The following NF2 variants were observed in gnomAD, a reference collection of about 807,000 sequenced individuals.
NF2 encodes the protein NF2, moesin-ezrin-radixin like (MERLIN) tumor suppressor, also known as merlin.
In NF2, 8 loss-of-function variants were observed where a neutral mutation model predicts 83.7. That is an observed-to-expected ratio of 0.10 (90% CI 0.06 to 0.17). NF2 has a LOEUF of 0.17. Among genes scored for constraint, NF2 ranks in the 10% least tolerant of loss-of-function variants. The probability of loss-of-function intolerance (pLI) is 1.00; values close to 1 mark genes in which losing one functional copy is unlikely to be tolerated. For synonymous variants in NF2, 266 were observed against 269.6 expected (o/e 0.99, Z 0.13); for missense variants, 533 against 744.4 (o/e 0.72, Z 3.31).
At chr22:29,651,524 G>A (rs144552950) in intron 4 of NF2, among the ~76,000 whole-genome samples, 201 of 152,294 alleles carry the variant, frequency 1.3e-3, no homozygotes, top group African/African-American at 2.9e-3. Flanking sequence ...TACATAAAAC[G>A]ATGAGGAGCA....
chr22:29,676,700 C>CACAAATCT (rs2066972826), intron 13 of NF2, among the ~76,000 whole-genome samples: 2 of 152,126 alleles, frequency 1.3e-5, no homozygotes, highest in Admixed American at 1.3e-4. Flanking sequence ...CATCCCTGAA[C>CACAAATCT]ACAAATCTTG....
intron 10 of NF2, among the ~76,000 whole-genome samples, chr22:29,670,198 A>G (rs1163959530): frequency 2.6e-5 from 4 of 152,064 alleles, no homozygotes; most frequent in African/African-American, 7.2e-5. Flanking sequence ...AGGTCTTGCT[A>G]TGTTACCCAG....
chr22:29,604,901 A>G (rs577315708), intron 1 of NF2, among the ~76,000 whole-genome samples: 29 of 152,328 alleles, frequency 1.9e-4, no homozygotes, highest in African/African-American at 7.0e-4. Context: ...TTGTAACACA[A>G]AAGCAGCCTT....
rs1199533707 is a variant in NF2, at chr22:29,681,424, C to T, written c.1575-15C>T. On this transcript the variant is annotated splice_polypyrimidine_tract_variant and intron_variant, in intron 14 of 15. Transcript: ENST00000338641. ...TCTGCCCAAGCCCTGATGCATGATA[C>T]CCTCTTGCCGGCAGAGTGGAATACA... 3.1e-6 allele frequency: 5 copies of T among 1,613,500 alleles called. No homozygotes were observed. Among genetic ancestry groups the T allele is most frequent in the Non-Finnish European group, 4.2e-6 (5 of 1,179,706 alleles).
chr22:29,605,806 T>G (rs2064778445), intron 1 of NF2, among the ~76,000 whole-genome samples: 1 of 152,166 alleles, frequency 6.6e-6, no homozygotes, highest in South Asian at 2.1e-4. Context: ...TCCAGACTAT[T>G]GCAAACTGTA....
chr22:29,627,475 T>A (rs1754965496), intron 1 of NF2, among the ~76,000 whole-genome samples: 2 of 152,204 alleles, frequency 1.3e-5, no homozygotes, highest in African/African-American at 2.4e-5. Context: ...AACTTTGAAG[T>A]GAATCTTCTT....
At position 29,695,222 on chromosome 22, in the gene NF2, C is replaced by T. The variant is rs541235064; in HGVS notation, c.*420C>T. On this transcript the variant is annotated 3_prime_UTR_variant, in exon 16 of 16. Coordinates refer to ENST00000338641, the MANE Select transcript of NF2 (RefSeq NM_000268.4). The surrounding 1 kb of genome is among the most constrained non-coding windows in gnomAD (Gnocchi z 5.4). ...ATCATCCCCACCCCGCCCAGGGTTC[C>T]GGAACATTCATTCCCCCACCGGTGA... is the stretch of plus-strand genomic sequence containing the variant. The T allele has an allele frequency of 4.7e-4, 174 of 374,140 alleles. No individual in the cohort carries two copies. Among genetic ancestry groups the T allele is most frequent in the Middle Eastern group, 1.5e-3 (2 of 1,310 alleles). 23.2% of individuals were successfully genotyped at this position (374,140 alleles called of 1,614,324 possible).
chr22:29,697,785 C>T lies in NF2; in HGVS notation c.*2983C>T, dbSNP rs1569322956. The T allele has an allele frequency of 1.1e-5, 2 of 179,250 alleles. No individual in the cohort carries two copies. The highest frequency in any genetic ancestry group is 1.2e-5 in the Non-Finnish European group (1 of 83,640). 11.1% of individuals were successfully genotyped at this position (179,250 alleles called of 1,614,324 possible). A position where few individuals can be genotyped will look rare whatever the true frequency, so the allele number is the denominator to read the frequency against. ...TTCTCCATGTCGGTCAGGCTGGTCT[C>T]GAACTCCCGACCTCAGGTGATCTGC... On this transcript the variant is annotated 3_prime_UTR_variant, in exon 16 of 16. Transcript: ENST00000338641.
At chr22:29,648,961 T>TTATTGG (rs771326532) in intron 4 of NF2, among the ~76,000 whole-genome samples, 57 of 152,324 alleles carry the variant, frequency 3.7e-4, no homozygotes, top group Non-Finnish European at 5.0e-4. Flanking sequence ...AAATATATCT[T>TTATTGG]TATTGGTAGA....
Position 29,683,271 on chromosome 22 carries a change from A to G in NF2, c.1737+1670A>G, listed in dbSNP as rs2067194545. ...AGACCAGCCTCCAGGGCCCCAGAAG[A>G]CTGCCTCGTTCCGAAGAGCATGTCA... On this transcript the variant is annotated intron_variant, in intron 15 of 15. Coordinates refer to ENST00000338641, the MANE Select transcript of NF2 (RefSeq NM_000268.4). The G allele has an allele frequency of 4.7e-6, 7 of 1,480,592 alleles. No homozygotes were observed. The African/African-American group carries it at 7.0e-5, about 15-fold the overall frequency. The allele number at this position is 1,480,592 out of a possible 1,614,324, so 91.7% of individuals were successfully genotyped here.
intron 7 of NF2, among the ~76,000 whole-genome samples, chr22:29,660,291 CA>C (rs748907801): frequency 1.3e-5 from 2 of 152,194 alleles, no homozygotes; most frequent in Non-Finnish European, 2.9e-5. Context: ...GGCTTTTAGA[CA>C]ACTTTGTTGA....
At chr22:29,672,038 C>T (rs1318487759) in intron 11 of NF2, 90 bp downstream of exon 11, 13 of 1,581,488 alleles carry the variant, frequency 8.2e-6, no homozygotes. Flanking sequence ...CATGAGTTAG[C>T]AGCGTTTGCT....
At chr22:29,676,908 C>T (rs1601656259) in intron 13 of NF2, among the ~76,000 whole-genome samples, 1 of 126,538 alleles carries the variant, frequency 7.9e-6, no homozygotes, top group Admixed American at 7.8e-5. Flanking sequence ...TACAACTGTA[C>T]AGTTTGAAGA....
At chr22:29,618,466 TA>T (rs58950171) in intron 1 of NF2, among the ~76,000 whole-genome samples, 50,116 of 152,048 alleles carry the variant, frequency 0.33, 8,495 homozygotes, top group South Asian at 0.5. Context: ...ACTGCAGAGA[TA>T]GGGGGAAAAA....
At chr22:29,647,021 G>A (rs960689060) in intron 4 of NF2, among the ~76,000 whole-genome samples, 2 of 143,260 alleles carry the variant, frequency 1.4e-5, no homozygotes, top group Non-Finnish European at 3.1e-5. Flanking sequence ...GGGTGACAAA[G>A]TGAGACTCCA....
chr22:29,634,158 G>T (rs903576062), intron 1 of NF2, among the ~76,000 whole-genome samples: 5 of 152,190 alleles, frequency 3.3e-5, no homozygotes, highest in African/African-American at 9.7e-5. Flanking sequence ...AGCTGGCAAA[G>T]AATCCTGTGA....
At chr22:29,683,546 G>A in intron 15 of NF2, 1 of 1,113,916 alleles carries the variant, frequency 9.0e-7, no homozygotes, top group South Asian at 3.6e-5. Flanking sequence ...GGGCAAAAGG[G>A]TTGCTTGTGC....
intron 1 of NF2, among the ~76,000 whole-genome samples, chr22:29,628,322 C>G (rs570445569): frequency 6.6e-6 from 1 of 152,172 alleles, no homozygotes; most frequent in South Asian, 2.1e-4. Flanking sequence ...GGGACATGGA[C>G]AGCAGGGAGA....
At chr22:29,654,577 A>C in intron 4 of NF2, 80 bp from the exon 5 acceptor site, 21 of 1,156,112 alleles carry the variant, frequency 1.8e-5, no homozygotes, top group Non-Finnish European at 2.5e-5. Context: ...CTGGGAGGGA[A>C]TGAGATTGGT....
Sources: gnomAD v4.1 joint callset for allele counts (sites outside exome capture counted in the v4.1 genomes callset) on GRCh38, gnomAD v4.1.1 for gene constraint, Gnocchi (gnomAD v3.1) non-coding constraint, MANE v1.5 for transcripts, NCBI Gene and HGNC (gene_info 2026-07-23, HGNC 2026-07-21) for gene names.